The following WNT2B variants were observed in gnomAD, a reference collection of about 807,000 sequenced individuals.
The protein encoded by WNT2B is protein Wnt-2b.
WNT2B carries 19 observed loss-of-function variants against 40.5 expected under a neutral mutation model. The observed-to-expected ratio is 0.47, with a 90% CI of 0.33 to 0.69. The LOEUF (loss-of-function observed/expected upper bound fraction) is 0.69. Ranked by LOEUF, WNT2B falls within the 30% of genes least tolerant of loss-of-function variation. WNT2B has a pLI of 0.02. For synonymous variants in WNT2B, 220 were observed against 211.9 expected, an observed-to-expected ratio of 1.04 and a Z score of -0.33; for missense variants, 467 against 556.4, an observed-to-expected ratio of 0.84 and a Z score of 1.62.
Position 112,520,487 on chromosome 1 carries a change from C to G in WNT2B, c.1154C>G (p.Ala385Gly). The G allele has an allele frequency of 1.9e-6, 3 of 1,614,148 alleles. No individual in the cohort carries two copies. The highest frequency in any genetic ancestry group is 1.7e-6 in the Non-Finnish European group (2 of 1,180,002). Residue 385 changes from alanine (A) to glycine (G), a missense_variant, in exon 5 of 5, where the codon GCA (alanine) becomes GGA (glycine). Transcript: ENST00000369684. ...DVHTCKAPKK[A>G]EWLDQT ...CATACTTGCAAAGCCCCCAAGAAGG[C>G]AGAGTGGCTGGACCAAACCTGAACA...
chr1:112,514,450 G>A (rs994184690), intron 1 of WNT2B, among the ~76,000 whole-genome samples: 3 of 152,296 alleles, frequency 2.0e-5, no homozygotes, highest in East Asian at 1.9e-4. Context: ...AGCCATGCGG[G>A]ACATCCCTCT....
intron 1 of WNT2B, among the ~76,000 whole-genome samples, chr1:112,496,512 C>T (rs1047465494): frequency 2.0e-5 from 3 of 152,308 alleles, no homozygotes. Flanking sequence ...GCAAATTTCC[C>T]TCCAGCTATG....
chr1:112,497,246 C>T lies in WNT2B; in HGVS notation c.-94-17628C>T, dbSNP rs536376770. 3.9e-5 allele frequency among the ~76,000 whole-genome samples: 6 copies of T among 152,314 alleles called. No individual in the cohort carries two copies. The South Asian group carries it at 8.3e-4, about 21-fold the overall frequency. ...CCACAACTCCACTAGGTATTGCCTT[C>T]GTGTGGGGATCTCTGTGGCAGCCCT... On this transcript the variant is annotated intron_variant, in intron 1 of 4. Transcript: ENST00000256640.
intron 1 of WNT2B, among the ~76,000 whole-genome samples, chr1:112,498,082 C>T (rs1389414597): frequency 1.3e-5 from 2 of 151,986 alleles, no homozygotes; most frequent in Non-Finnish European, 2.9e-5. Flanking sequence ...CCTTTCCCCC[C>T]CAACCCCCGA....
chr1:112,502,517 A>G (rs1478771729), intron 1 of WNT2B, among the ~76,000 whole-genome samples: 1 of 152,236 alleles, frequency 6.6e-6, no homozygotes, highest in Admixed American at 6.5e-5. Context: ...TTATCAGGCA[A>G]GAGAGACCTC....
In WNT2B at chr1:112,528,009, T is replaced by A. The variant is rs1474378330; in HGVS notation, c.*7500T>A. ...TGATCATTCCTAGAATAATTATGCT[T>A]ACTGGGTGACAATATACAGAAGCAA... On this transcript the variant is annotated 3_prime_UTR_variant, in exon 5 of 5. Transcript: ENST00000369684. The A allele has an allele frequency of 1.3e-5, 2 of 152,190 alleles. No individual in the cohort carries two copies. The highest frequency in any genetic ancestry group is 4.8e-5 in the African/African-American group (2 of 41,440). 9.4% of individuals were successfully genotyped at this position (152,190 alleles called of 1,614,324 possible). A position where few individuals can be genotyped will look rare whatever the true frequency, so the allele number is the denominator to read the frequency against.
chr1:112,487,042 T>C (rs1651438711), intron 1 of WNT2B, among the ~76,000 whole-genome samples: 1 of 152,210 alleles, frequency 6.6e-6, no homozygotes. Context: ...GTTTTACATG[T>C]CAAAGCCAAA....
chr1:112,498,175 C>G (rs1311210760), intron 1 of WNT2B, among the ~76,000 whole-genome samples: 1 of 151,756 alleles, frequency 6.6e-6, no homozygotes, highest in East Asian at 1.9e-4. Context: ...TTTTCTGTTC[C>G]TGTGTTAGTT....
intron 1 of WNT2B, among the ~76,000 whole-genome samples, chr1:112,475,100 T>A (rs1651016282): frequency 6.6e-6 from 1 of 152,204 alleles, no homozygotes; most frequent in South Asian, 2.1e-4. Flanking sequence ...GGTACTTCTG[T>A]ACAGCAATAC....
Position 112,526,307 on chromosome 1 carries a change from A to G in WNT2B, c.*5798A>G. 1 of 552,644 alleles carries G rather than the reference A, an allele frequency of 1.8e-6. No homozygotes were observed. Among genetic ancestry groups the G allele is most frequent in the African/African-American group, 1.9e-5 (1 of 53,958 alleles). The allele number at this position is 552,644 out of a possible 1,614,324, so 34.2% of individuals were successfully genotyped here. On this transcript the variant is annotated 3_prime_UTR_variant, in exon 5 of 5. Transcript: ENST00000369684. ...CACTATACAACATATTCCACATTTA[A>G]ACAACTCTGGCTCCTAATTCTACTC...
At chr1:112,520,108 G>A (rs1045661067) in intron 4 of WNT2B, among the ~76,000 whole-genome samples, 172 bp from the exon 5 acceptor site, 1 of 152,118 alleles carries the variant, frequency 6.6e-6, no homozygotes, top group Non-Finnish European at 1.5e-5. Flanking sequence ...CTGGACTCAA[G>A]GATTCCTTCT....
rs1219468114 is a variant in WNT2B at position 112,524,366 on chromosome 1, A to G, written c.*3857A>G. 6.6e-6 allele frequency: 1 copy of G among 152,612 alleles called. No homozygotes were observed. Among genetic ancestry groups the G allele is most frequent in the Non-Finnish European group, 1.5e-5 (1 of 68,046 alleles). The allele number at this position is 152,612 out of a possible 1,614,324, so 9.5% of individuals were successfully genotyped here. A position where few individuals can be genotyped will look rare whatever the true frequency, so the allele number is the denominator to read the frequency against. The stretch of plus-strand genomic sequence containing the variant: ...GGACGCCAGGGAGAGTATGTTTCTC[A>G]TCCCTGGGAGGCATTCAGCCTAGCT... On this transcript the variant is annotated 3_prime_UTR_variant, in exon 5 of 5. Coordinates refer to ENST00000369684, the MANE Select transcript of WNT2B (RefSeq NM_024494.3).
intron 1 of WNT2B, among the ~76,000 whole-genome samples, chr1:112,495,750 A>T (rs1439766418): frequency 1.3e-5 from 2 of 152,236 alleles, no homozygotes; most frequent in African/African-American, 4.8e-5. Context: ...CACTATTTTC[A>T]TCTGTTTTGC....
At chr1:112,485,253 G>A (rs185336866) in intron 1 of WNT2B, among the ~76,000 whole-genome samples, 532 of 152,290 alleles carry the variant, frequency 3.5e-3, no homozygotes, top group Middle Eastern at 0.017. Context: ...CTGAGGTCAG[G>A]AGTTTGAGAC....
intron 1 of WNT2B, among the ~76,000 whole-genome samples, chr1:112,500,404 A>G (rs930756105): frequency 2.0e-5 from 3 of 152,180 alleles, no homozygotes; most frequent in Admixed American, 6.5e-5. Context: ...ATTAACAAGT[A>G]TTGGGGTTAT....
rs1652284743 is a variant in WNT2B, at chr1:112,509,872, C to G, written c.182+428C>G. On this transcript the variant is annotated intron_variant, in intron 1 of 4. Coordinates refer to ENST00000369684, the MANE Select transcript of WNT2B (RefSeq NM_024494.3). This position sits in a 1 kb window ranked among gnomAD's most constrained non-coding sequence, Gnocchi z 4.2. ...GTGGAGAAAGGGGCAGCTCGCTAGT[C>G]TAGCCCACCCATACCACAGGAAGGC... is the stretch of plus-strand genomic sequence containing the variant. Among the ~76,000 whole-genome samples the G allele has an allele frequency of 1.3e-5, 2 of 152,226 alleles. No individual in the cohort carries two copies. Among genetic ancestry groups the G allele is most frequent in the Admixed American group, 6.5e-5 (1 of 15,282 alleles).
At position 112,520,481 on chromosome 1, in the gene WNT2B, A is replaced by G; in HGVS notation, c.1148A>G (p.Lys383Arg). 1 of 1,614,200 alleles carries G rather than the reference A, an allele frequency of 6.2e-7. No individual in the cohort carries two copies. Among genetic ancestry groups the G allele is most frequent in the South Asian group, 1.1e-5 (1 of 91,082 alleles). The change falls in exon 5 of 5, where the codon AAG becomes AGG. Residue 383 changes from lysine (K) to arginine (R), a missense_variant. This residue lies in a region of WNT2B where 330 missense variants were observed against 438.6 expected (regional missense o/e 0.75). Transcript: ENST00000369684. Reference protein sequence around the residue: ...TVDVHTCKAPKKAEWLDQT With the variant: ...TVDVHTCKAPRKAEWLDQT ...GACGTCCATACTTGCAAAGCCCCCA[A>G]GAAGGCAGAGTGGCTGGACCAAACC...
chr1:112,485,338 G>A (rs1651378707), intron 1 of WNT2B, among the ~76,000 whole-genome samples: 1 of 152,000 alleles, frequency 6.6e-6, no homozygotes, highest in Non-Finnish European at 1.5e-5. Context: ...ACAGGTGCCT[G>A]TAATCCCAGG....
chr1:112,493,754 T>TAG (rs1651680640), intron 1 of WNT2B, among the ~76,000 whole-genome samples: 2 of 149,012 alleles, frequency 1.3e-5, no homozygotes, highest in Non-Finnish European at 3.0e-5. Context: ...AGAGAAAAAA[T>TAG]AGAGAAAGGA....
Sources: gnomAD v4.1 joint callset for allele counts (sites outside exome capture counted in the v4.1 genomes callset) on GRCh38, gnomAD v4.1.1 for gene constraint, gnomAD v4.1.1 regional missense constraint, Gnocchi (gnomAD v3.1) non-coding constraint, MANE v1.5 for transcripts, NCBI Gene and HGNC (gene_info 2026-07-23, HGNC 2026-07-21) for gene names.